GABRB2: variants seen among roughly 807,000 people sequenced by gnomAD.
GABRB2 encodes gamma-aminobutyric acid receptor subunit beta-2.
A neutral mutation model predicts 54.7 loss-of-function variants in GABRB2; 16 were observed. The ratio of observed to expected loss-of-function variants is 0.29; its 90% CI spans 0.20 to 0.44. The LOEUF is 0.44. Ranked by LOEUF, GABRB2 falls within the 20% of genes least tolerant of loss-of-function variation. The pLI, the probability that GABRB2 is intolerant of heterozygous loss-of-function variation, is 1.00. For missense variants in GABRB2, 355 were observed against 644.0 expected, an observed-to-expected ratio of 0.55 and a Z score of 4.86; for synonymous variants, 244 against 233.8, an observed-to-expected ratio of 1.04 and a Z score of -0.40.
intron 5 of GABRB2, among the ~76,000 whole-genome samples, chr5:161,368,032 C>T (rs1169520152): frequency 1.3e-5 from 2 of 151,720 alleles, no homozygotes; most frequent in Non-Finnish European, 2.9e-5. Flanking sequence ...CCAATATGCA[C>T]AGGTTGGTCT....
intron 3 of GABRB2, among the ~76,000 whole-genome samples, chr5:161,541,719 T>C (rs1044237316): frequency 7.2e-5 from 11 of 152,326 alleles, no homozygotes; most frequent in African/African-American, 2.6e-4. Flanking sequence ...TCTGGCTTTG[T>C]CTCTAAGGGA....
chr5:161,355,334 C>T (rs1754586382), intron 5 of GABRB2, among the ~76,000 whole-genome samples: 1 of 147,820 alleles, frequency 6.8e-6, no homozygotes, highest in Non-Finnish European at 1.5e-5. Context: ...TATTATATAA[C>T]ATATGGTATA....
intron 3 of GABRB2, among the ~76,000 whole-genome samples, chr5:161,518,059 C>A (rs561513275): frequency 1.6e-4 from 24 of 152,320 alleles, no homozygotes; most frequent in African/African-American, 5.3e-4. Context: ...CGGCCCGCCC[C>A]AGCCTCCCAA....
chr5:161,356,028 G>A (rs1561620055), intron 5 of GABRB2, among the ~76,000 whole-genome samples: 1 of 152,032 alleles, frequency 6.6e-6, no homozygotes, highest in Admixed American at 6.6e-5. Context: ...GCACAGGGGT[G>A]GATATGTGGT....
At chr5:161,327,283 T>C (rs1373487863) in intron 8 of GABRB2, among the ~76,000 whole-genome samples, 1 of 152,240 alleles carries the variant, frequency 6.6e-6, no homozygotes, top group African/African-American at 2.4e-5. Context: ...TAAACTTTCA[T>C]GTGCAGGTAG....
At chr5:161,461,136 C>T (rs1349856334) in intron 3 of GABRB2, among the ~76,000 whole-genome samples, 1 of 152,140 alleles carries the variant, frequency 6.6e-6, no homozygotes, top group African/African-American at 2.4e-5. Flanking sequence ...AAGTGGCTAA[C>T]TTATTATGGT....
At chr5:161,518,689 T>G (rs560114455) in intron 3 of GABRB2, among the ~76,000 whole-genome samples, 4 of 152,146 alleles carry the variant, frequency 2.6e-5, no homozygotes, top group African/African-American at 9.7e-5. Context: ...CTAAAAATAC[T>G]CACATCATGG....
At chr5:161,385,771 A>G (rs764347766) in intron 5 of GABRB2, among the ~76,000 whole-genome samples, 4 of 152,150 alleles carry the variant, frequency 2.6e-5, no homozygotes, top group Non-Finnish European at 5.9e-5. Context: ...TAGTCTTTCA[A>G]TGATGTATTC....
At chr5:161,386,694 A>G (rs1254265428) in intron 5 of GABRB2, among the ~76,000 whole-genome samples, 2 of 151,816 alleles carry the variant, frequency 1.3e-5, no homozygotes, top group Non-Finnish European at 2.9e-5. Context: ...CAGGCGTGCT[A>G]CCATGCCCAG....
chr5:161,383,684 G>A lies in GABRB2; in HGVS notation c.541+27291C>T, dbSNP rs544852591. On this transcript the variant is annotated intron_variant, in intron 5 of 9. Coordinates refer to ENST00000393959, the MANE Select transcript of GABRB2 (RefSeq NM_001371727.1). ...AACAGTTGAACATTTCCATCACTGC[G>A]GAACAATTTATTAGATAGTGCTAAT... Among the ~76,000 whole-genome samples, 48 of 152,144 alleles carry A rather than the reference G, an allele frequency of 3.2e-4. No homozygotes were observed. The South Asian group carries it at 3.7e-3, about 12-fold the overall frequency.
At position 161,290,547 on chromosome 5, in the gene GABRB2, T is replaced by C. The variant is rs1757209153; in HGVS notation, c.*3534A>G. 1 of 152,576 alleles carries C rather than the reference T, an allele frequency of 6.6e-6. No individual in the cohort carries two copies. The highest frequency in any genetic ancestry group is 1.5e-5 in the Non-Finnish European group (1 of 68,002). The allele number at this position is 152,576 out of a possible 1,614,324, so 9.5% of individuals were successfully genotyped here. Reference sequence around the variant, plus strand: ...TTGTTTGCCAAATTAAAAATACTCATATACTGGTTTAATGAAGGAAATAAA... The same window carrying C: ...TTGTTTGCCAAATTAAAAATACTCACATACTGGTTTAATGAAGGAAATAAA... On this transcript the variant is annotated 3_prime_UTR_variant, in exon 10 of 10. Coordinates refer to ENST00000393959, the MANE Select transcript of GABRB2 (RefSeq NM_001371727.1).
chr5:161,374,424 A>G (rs1443941971), intron 5 of GABRB2, among the ~76,000 whole-genome samples: 1 of 152,188 alleles, frequency 6.6e-6, no homozygotes, highest in African/African-American at 2.4e-5. Flanking sequence ...TTATTCATCC[A>G]TAACTCCTCA....
At chr5:161,440,078 AAC>A (rs1491152751) in intron 4 of GABRB2, among the ~76,000 whole-genome samples, 10,872 of 137,370 alleles carry the variant, frequency 0.079, 460 homozygotes, top group East Asian at 0.15. Flanking sequence ...AAAAAAAAAA[AAC>A]AAAACACATA....
At chr5:161,475,049 C>T (rs1489115437) in intron 3 of GABRB2, among the ~76,000 whole-genome samples, 1 of 151,774 alleles carries the variant, frequency 6.6e-6, no homozygotes, top group Non-Finnish European at 1.5e-5. Flanking sequence ...GGAGAGGGTG[C>T]AATGAAAAGA....
intron 3 of GABRB2, among the ~76,000 whole-genome samples, chr5:161,527,168 A>G (rs1010370348): frequency 4.0e-5 from 6 of 151,492 alleles, no homozygotes; most frequent in Admixed American, 4.0e-4. Flanking sequence ...AGCAAATTAC[A>G]GGGTAGAAAC....
chr5:161,377,974 T>G (rs1401126928), intron 5 of GABRB2, among the ~76,000 whole-genome samples: 1 of 152,122 alleles, frequency 6.6e-6, no homozygotes, highest in Admixed American at 6.6e-5. Flanking sequence ...TTTGTCTAAA[T>G]GTATTATTAA....
rs1035122043 is a variant in GABRB2, at chr5:161,289,669, T to C, written c.*4412A>G. 1 of 152,118 alleles carries C rather than the reference T, an allele frequency of 6.6e-6. No individual in the cohort carries two copies. Among genetic ancestry groups the C allele is most frequent in the African/African-American group, 2.4e-5 (1 of 41,428 alleles). 9.4% of individuals were successfully genotyped at this position (152,118 alleles called of 1,614,324 possible). A position where few individuals can be genotyped will look rare whatever the true frequency, so the allele number is the denominator to read the frequency against. On this transcript the variant is annotated 3_prime_UTR_variant, in exon 10 of 10. Transcript: ENST00000393959. ...TAAGTTATCAATGATCATTTTTGCT[T>C]TTCCCAATTGCCATTTCAAAGGCTA...
chr5:161,468,085 T>A (rs1758328968), intron 3 of GABRB2, among the ~76,000 whole-genome samples: 1 of 152,096 alleles, frequency 6.6e-6, no homozygotes, highest in Non-Finnish European at 1.5e-5. Context: ...ATACAAACAA[T>A]CTAGTTTAAG....
At chr5:161,346,520 A>T (rs1450098458) in intron 5 of GABRB2, among the ~76,000 whole-genome samples, 5 of 152,168 alleles carry the variant, frequency 3.3e-5, no homozygotes. Flanking sequence ...GAGAAAGTAA[A>T]GTCCCAGCTG....
Sources: allele counts gnomAD v4.1 joint callset (sites outside exome capture counted in the v4.1 genomes callset), GRCh38; gene constraint gnomAD v4.1.1; transcripts MANE v1.5; gene names NCBI Gene and HGNC (gene_info 2026-07-23, HGNC 2026-07-21).